TENM3: variants seen among roughly 807,000 people sequenced by gnomAD.
TENM3 encodes the protein teneurin transmembrane protein 3, also known as teneurin-3.
TENM3 carries 63 observed loss-of-function variants against 255.1 expected under a neutral mutation model. The ratio of observed to expected loss-of-function variants is 0.25; its 90% CI spans 0.20 to 0.30. The LOEUF (loss-of-function observed/expected upper bound fraction) is 0.30, where lower values mean the gene tolerates loss of function less well. Ranked by LOEUF, TENM3 falls within the 10% of genes least tolerant of loss-of-function variation. The probability of loss-of-function intolerance (pLI) is 1.00; values close to 1 mark genes in which losing one functional copy is unlikely to be tolerated. For missense variants in TENM3, 2,929 were observed against 3,461.1 expected (o/e 0.85, Z 3.86); for synonymous variants, 1,306 against 1,322.3 (o/e 0.99, Z 0.27).
chr4:182,064,154 T>C, the TENM3 span, among the ~76,000 whole-genome samples: 3 of 147,240 alleles, frequency 2.0e-5, no homozygotes, highest in East Asian at 4.0e-4. Context: ...TTAAATGAGA[T>C]AATGCATGGA....
rs567341843 is a variant in TENM3, at chr4:182,755,460, T to C, written c.4892+201T>C. ...GGGAGGCTGAGACGGGAGGATTGCT[T>C]GAGCCCAGGACTTCGAGGCCACAGT... is the stretch of plus-strand genomic sequence containing the variant. On this transcript the variant is annotated intron_variant, in intron 22 of 27. Coordinates refer to ENST00000511685, the MANE Select transcript of TENM3 (RefSeq NM_001080477.4). 1.3e-3 allele frequency: 697 copies of C among 541,546 alleles called. 4 individuals are homozygous for C. The highest frequency in any genetic ancestry group is 0.012 in the African/African-American group (641 of 52,376). The allele number at this position is 541,546 out of a possible 1,614,324, so 33.5% of individuals were successfully genotyped here.
chr4:182,315,320 G>C (rs1267951228), intron 1 of TENM3, among the ~76,000 whole-genome samples: 1 of 151,912 alleles, frequency 6.6e-6, no homozygotes, highest in African/African-American at 2.4e-5. Context: ...ATGAGAGTCT[G>C]CTGATGATCA....
chr4:182,097,570 A>C, the TENM3 span, among the ~76,000 whole-genome samples: 1 of 152,086 alleles, frequency 6.6e-6, no homozygotes, highest in Non-Finnish European at 1.5e-5. Flanking sequence ...TTGTAGATTT[A>C]CTCGACATAT....
At chr4:182,464,500 G>A (rs548489670) in intron 3 of TENM3, among the ~76,000 whole-genome samples, 10 of 152,096 alleles carry the variant, frequency 6.6e-5, no homozygotes, top group Admixed American at 2.6e-4. Flanking sequence ...CAGGTGATCC[G>A]CCCATCTCTG....
the TENM3 span, among the ~76,000 whole-genome samples, chr4:182,074,205 T>C: frequency 6.6e-6 from 1 of 152,196 alleles, no homozygotes; most frequent in African/African-American, 2.4e-5. Context: ...ATCCAGGCTT[T>C]ATAAACAGAC....
chr4:182,598,967 A>G (rs1747551067), intron 3 of TENM3, among the ~76,000 whole-genome samples: 1 of 152,226 alleles, frequency 6.6e-6, no homozygotes, highest in Non-Finnish European at 1.5e-5. Flanking sequence ...TCATGGCATC[A>G]TGGAGTCATC....
At chr4:182,069,297 A>G in the TENM3 span, among the ~76,000 whole-genome samples, 1 of 152,346 alleles carries the variant, frequency 6.6e-6, no homozygotes, top group African/African-American at 2.4e-5. Flanking sequence ...TCAGCATTCC[A>G]TGGTACAGTA....
At chr4:181,572,494 C>T in the TENM3 span, among the ~76,000 whole-genome samples, 3 of 152,110 alleles carry the variant, frequency 2.0e-5, no homozygotes, top group African/African-American at 7.2e-5. Flanking sequence ...AAGCAATATG[C>T]TCCTTAAATA....
intron 2 of TENM3, among the ~76,000 whole-genome samples, chr4:182,337,321 A>G (rs780297872): frequency 6.6e-6 from 1 of 152,240 alleles, no homozygotes; most frequent in Non-Finnish European, 1.5e-5. Flanking sequence ...TCTCTAGAAT[A>G]TATAAAGAGC....
rs780904435 is a variant in TENM3, at chr4:182,773,060, T to TACTGC, written c.4893-411_4893-407dup. Among the ~76,000 whole-genome samples the TACTGC allele has an allele frequency of 5.9e-5, 9 of 152,358 alleles. No homozygotes were observed. The East Asian group carries it at 1.2e-3, about 20-fold the overall frequency. On this transcript the variant is annotated intron_variant, in intron 22 of 27. Transcript: ENST00000511685. Reference sequence around the variant, plus strand: ...ACATGCACGTAAACATACTGTACTGTACTGCCACCGAGGGAGTAAGTCAGT... The same window carrying TACTGC: ...ACATGCACGTAAACATACTGTACTGTACTGCACTGCCACCGAGGGAGTAAGTCAGT...
chr4:181,639,861 A>C, the TENM3 span, among the ~76,000 whole-genome samples: 2 of 152,216 alleles, frequency 1.3e-5, no homozygotes, highest in African/African-American at 4.8e-5. Context: ...CCAACAGATG[A>C]ACTCCTGCCA....
the TENM3 span, among the ~76,000 whole-genome samples, chr4:181,794,596 C>T: frequency 6.6e-6 from 1 of 150,470 alleles, no homozygotes; most frequent in Non-Finnish European, 1.5e-5. Flanking sequence ...CAGGTTCATT[C>T]ATGTCTCAAA....
chr4:181,916,338 T>G, the TENM3 span, among the ~76,000 whole-genome samples: 1 of 152,212 alleles, frequency 6.6e-6, no homozygotes, highest in Non-Finnish European at 1.5e-5. Context: ...AATGCCCATC[T>G]GCAAAATTAA....
chr4:182,368,775 C>G (rs1766596581), intron 3 of TENM3, among the ~76,000 whole-genome samples: 1 of 152,098 alleles, frequency 6.6e-6, no homozygotes, highest in African/African-American at 2.4e-5. Context: ...TGGTTTCTTC[C>G]CCCAGATTGC....
At chr4:182,386,950 G>A (rs1391170823) in intron 3 of TENM3, among the ~76,000 whole-genome samples, 1 of 152,268 alleles carries the variant, frequency 6.6e-6, no homozygotes, top group Non-Finnish European at 1.5e-5. Flanking sequence ...ATGGCGCGGG[G>A]CTGGCAGGCA....
chr4:182,649,975 T>A (rs1753109048), intron 5 of TENM3, among the ~76,000 whole-genome samples: 2 of 150,480 alleles, frequency 1.3e-5, no homozygotes, highest in Admixed American at 6.6e-5. Flanking sequence ...GAGGTTAACA[T>A]CCATTGCAAA....
intron 3 of TENM3, among the ~76,000 whole-genome samples, chr4:182,400,028 C>T (rs927473685): frequency 3.3e-5 from 5 of 151,970 alleles, no homozygotes; most frequent in Non-Finnish European, 7.4e-5. Flanking sequence ...GGAGACAGCT[C>T]TTAAGATATT....
chr4:181,763,015 G>A, the TENM3 span, among the ~76,000 whole-genome samples: 1 of 152,074 alleles, frequency 6.6e-6, no homozygotes, highest in Non-Finnish European at 1.5e-5. Flanking sequence ...GAAACCTTGT[G>A]AAACAAATAT....
chr4:181,664,006 T>G, the TENM3 span, among the ~76,000 whole-genome samples: 1 of 152,194 alleles, frequency 6.6e-6, no homozygotes, highest in East Asian at 1.9e-4. Flanking sequence ...CACATAATTC[T>G]TCATGATCAT....
Sources: allele counts gnomAD v4.1 joint callset (sites outside exome capture counted in the v4.1 genomes callset), GRCh38; gene constraint gnomAD v4.1.1; transcripts MANE v1.5; gene names NCBI Gene and HGNC (gene_info 2026-07-23, HGNC 2026-07-21).